PGGT1B: variants seen among roughly 807,000 people sequenced by gnomAD.
The protein encoded by PGGT1B is geranylgeranyl transferase type-1 subunit beta.
Under a neutral mutation model 46.1 loss-of-function variants are expected in PGGT1B, and 30 were observed. The ratio of observed to expected loss-of-function variants is 0.65; its 90% CI spans 0.49 to 0.88. The LOEUF is 0.88. Among genes scored for constraint, PGGT1B ranks in the 40% least tolerant of loss-of-function variants. The pLI is 0.00. For synonymous variants in PGGT1B, 170 were observed against 160.0 expected (o/e 1.06, Z -0.47); for missense variants, 376 against 455.9 (o/e 0.82, Z 1.60).
chr5:115,230,736 T>C (rs1047187272), intron 6 of PGGT1B, among the ~76,000 whole-genome samples: 38 of 152,116 alleles, frequency 2.5e-4, no homozygotes, highest in Admixed American at 3.9e-4. Context: ...AACACTTGAA[T>C]AGATTACTAG....
intron 8 of PGGT1B, 45 bp from the exon 9 acceptor site, chr5:115,212,628 G>C (rs1756270609): frequency 3.0e-6 from 4 of 1,319,330 alleles, no homozygotes; most frequent in Non-Finnish European, 3.2e-6. Flanking sequence ...ATTCTTACTT[G>C]TACATTCTAC....
chr5:115,244,758 T>C (rs1182676216), intron 2 of PGGT1B, among the ~76,000 whole-genome samples: 1 of 151,518 alleles, frequency 6.6e-6, no homozygotes, highest in African/African-American at 2.4e-5. Flanking sequence ...GCCCAGCTAA[T>C]TTTTGTATTT....
rs1247296388 is a variant in PGGT1B at position 115,206,276 on chromosome 5, G to A, written c.*6126C>T. On this transcript the variant is annotated 3_prime_UTR_variant, in exon 9 of 9. Coordinates refer to ENST00000419445, the MANE Select transcript of PGGT1B (RefSeq NM_005023.4). ...ATGCAACAGTGGTGTTTACCTCCAG[G>A]AAGTATAGGCTGTGGGTATAGTATA... 6.6e-6 allele frequency: 1 copy of A among 151,890 alleles called. No homozygotes were observed. Among genetic ancestry groups the A allele is most frequent in the Admixed American group, 6.6e-5 (1 of 15,222 alleles). The allele number at this position is 151,890 out of a possible 1,614,324, so 9.4% of individuals were successfully genotyped here. A position where few individuals can be genotyped will look rare whatever the true frequency, so the allele number is the denominator to read the frequency against.
intron 6 of PGGT1B, among the ~76,000 whole-genome samples, chr5:115,226,160 C>G (rs1001415414): frequency 8.6e-5 from 13 of 152,028 alleles, no homozygotes; most frequent in Non-Finnish European, 1.6e-4. Context: ...ACAAAAGGAA[C>G]ATTTTACCCT....
chr5:115,220,878 G>A (rs1434553040), intron 7 of PGGT1B, among the ~76,000 whole-genome samples: 1 of 151,906 alleles, frequency 6.6e-6, no homozygotes, highest in Non-Finnish European at 1.5e-5. Context: ...AAATAATTCA[G>A]TGAATTGAAG....
At chr5:115,240,081 T>C (rs534694893) in intron 3 of PGGT1B, among the ~76,000 whole-genome samples, 79 of 152,306 alleles carry the variant, frequency 5.2e-4, no homozygotes, top group African/African-American at 1.9e-3. Flanking sequence ...GACGGTTCTA[T>C]GTGATACCAC....
At chr5:115,241,464 T>G (rs1757342447) in intron 3 of PGGT1B, 75 bp downstream of exon 3, 2 of 846,602 alleles carry the variant, frequency 2.4e-6, no homozygotes, top group African/African-American at 3.5e-5. Flanking sequence ...TTTTTCTGTG[T>G]AACTTCTTAG....
chr5:115,259,485 C>T (rs1268776194), intron 1 of PGGT1B, among the ~76,000 whole-genome samples: 1 of 152,006 alleles, frequency 6.6e-6, no homozygotes, highest in East Asian at 1.9e-4. Context: ...GCCAAGAGAC[C>T]AAGACCATCC....
rs202015768 is a variant in PGGT1B, at chr5:115,217,317, T to A, written c.844-344A>T. ...TTATCTACCCATATTTTAACTCTTA[T>A]GATAAGCTCTTGAGCTATTAGTTAT... On this transcript the variant is annotated intron_variant, in intron 7 of 8. Coordinates refer to ENST00000419445, the MANE Select transcript of PGGT1B (RefSeq NM_005023.4). Among the ~76,000 whole-genome samples, 7 of 132,608 alleles carry A rather than the reference T, an allele frequency of 5.3e-5. No homozygotes were observed. In the East Asian group the frequency reaches 5.3e-3, roughly 101 times the overall value. The allele number at this position is 132,608 out of a possible 152,430, so 87.0% of individuals were successfully genotyped here.
intron 8 of PGGT1B, among the ~76,000 whole-genome samples, chr5:115,213,152 T>G (rs1756291674): frequency 6.6e-6 from 1 of 152,216 alleles, no homozygotes; most frequent in Non-Finnish European, 1.5e-5. Flanking sequence ...AATCCTCCTA[T>G]TTAGGGTAAT....
At chr5:115,247,610 C>T (rs975168376) in intron 2 of PGGT1B, among the ~76,000 whole-genome samples, 2 of 152,012 alleles carry the variant, frequency 1.3e-5, no homozygotes, top group African/African-American at 2.4e-5. Flanking sequence ...AGAAGACATG[C>T]CTTACACAAC....
In PGGT1B at chr5:115,241,683, T is replaced by C. The variant is rs1757349219; in HGVS notation, c.260-77A>G. 12 of 1,067,162 alleles carry C rather than the reference T, an allele frequency of 1.1e-5. No homozygotes were observed. The South Asian group carries it at 1.3e-4, about 11-fold the overall frequency. 66.1% of individuals were successfully genotyped at this position (1,067,162 alleles called of 1,614,324 possible). A position where few individuals can be genotyped will look rare whatever the true frequency, so the allele number is the denominator to read the frequency against. On this transcript the variant is annotated intron_variant, in intron 2 of 8. Coordinates refer to ENST00000419445, the MANE Select transcript of PGGT1B (RefSeq NM_005023.4). Reference sequence around the variant, plus strand: ...ATTCTAAAGCAGTTTAATTACACAATCTTTCAGAAACAGACTATTTTAGTC... The same window carrying C: ...ATTCTAAAGCAGTTTAATTACACAACCTTTCAGAAACAGACTATTTTAGTC...
At chr5:115,216,836 T>C (rs757396605) in intron 8 of PGGT1B, 29 bp downstream of exon 8, 5 of 1,070,346 alleles carry the variant, frequency 4.7e-6, no homozygotes, top group East Asian at 4.7e-5. Context: ...GAAATAAAGG[T>C]TGTTCTGATT....
chr5:115,249,605 G>A (rs1329963375), intron 2 of PGGT1B, among the ~76,000 whole-genome samples: 1 of 151,990 alleles, frequency 6.6e-6, no homozygotes. Flanking sequence ...GGGAGGAGCA[G>A]GTAATTGGAA....
At position 115,207,699 on chromosome 5, in the gene PGGT1B, G is replaced by A. The variant is rs1425407440; in HGVS notation, c.*4703C>T. 3.3e-5 allele frequency: 5 copies of A among 151,818 alleles called. No individual in the cohort carries two copies. Among genetic ancestry groups the A allele is most frequent in the Non-Finnish European group, 5.9e-5 (4 of 67,878 alleles). 9.4% of individuals were successfully genotyped at this position (151,818 alleles called of 1,614,324 possible). A position where few individuals can be genotyped will look rare whatever the true frequency, so the allele number is the denominator to read the frequency against. On this transcript the variant is annotated 3_prime_UTR_variant, in exon 9 of 9. Coordinates refer to ENST00000419445, the MANE Select transcript of PGGT1B (RefSeq NM_005023.4). ...TTAGTTTTTCAACAAGTTCCTTTGGGCTTTCTAGATACATATTCATATCTG... is the reference window on the plus strand; with the variant it reads ...TTAGTTTTTCAACAAGTTCCTTTGGACTTTCTAGATACATATTCATATCTG...
At chr5:115,243,103 C>G (rs1395047958) in intron 2 of PGGT1B, among the ~76,000 whole-genome samples, 3 of 151,774 alleles carry the variant, frequency 2.0e-5, no homozygotes, top group Non-Finnish European at 1.5e-5. Flanking sequence ...ATCCTTTTGA[C>G]CCAGTCAAAT....
intron 6 of PGGT1B, among the ~76,000 whole-genome samples, chr5:115,227,443 T>C (rs1427457337): frequency 6.6e-6 from 1 of 152,178 alleles, no homozygotes; most frequent in Non-Finnish European, 1.5e-5. Flanking sequence ...AGAGTCCAGC[T>C]TGCCCTCATT....
chr5:115,241,937 C>A (rs1046901755), intron 2 of PGGT1B, among the ~76,000 whole-genome samples: 1 of 152,086 alleles, frequency 6.6e-6, no homozygotes, highest in African/African-American at 2.4e-5. Context: ...TTCTACAGAA[C>A]AGAAAACAGA....
In PGGT1B at chr5:115,204,876, T is replaced by C. The variant is rs1756018637; in HGVS notation, c.*7526A>G. On this transcript the variant is annotated 3_prime_UTR_variant, in exon 9 of 9. Coordinates refer to ENST00000419445, the MANE Select transcript of PGGT1B (RefSeq NM_005023.4). ...CCAGTCATAAAAGTGAAAAGCATCT[T>C]CTGATTATTTCCACAAGTTAACCAC... The C allele has an allele frequency of 6.6e-6, 1 of 152,208 alleles. No individual in the cohort carries two copies. The highest frequency in any genetic ancestry group is 6.5e-5 in the Admixed American group (1 of 15,270). 9.4% of individuals were successfully genotyped at this position (152,208 alleles called of 1,614,324 possible). A position where few individuals can be genotyped will look rare whatever the true frequency, so the allele number is the denominator to read the frequency against.
Sources: gnomAD v4.1 joint callset for allele counts (sites outside exome capture counted in the v4.1 genomes callset) on GRCh38, gnomAD v4.1.1 for gene constraint, MANE v1.5 for transcripts, NCBI Gene and HGNC (gene_info 2026-07-23, HGNC 2026-07-21) for gene names.